VPS37C: variants seen among roughly 807,000 people sequenced by gnomAD.
VPS37C encodes VPS37C subunit of ESCRT-I.
A neutral mutation model predicts 16.1 loss-of-function variants in VPS37C; 9 were observed. The ratio of observed to expected loss-of-function variants is 0.56; its 90% CI spans 0.34 to 0.97. VPS37C has a LOEUF of 0.97. Among genes scored for constraint, VPS37C ranks in the 50% least tolerant of loss-of-function variants. The probability of loss-of-function intolerance (pLI) is 0.02; values close to 1 mark genes in which losing one functional copy is unlikely to be tolerated. For synonymous variants in VPS37C, 207 were observed against 206.4 expected, an observed-to-expected ratio of 1.00 and a Z score of -0.02; for missense variants, 479 against 472.7, an observed-to-expected ratio of 1.01 and a Z score of -0.12.
intron 1 of VPS37C, among the ~76,000 whole-genome samples, chr11:61,156,556 G>A (rs1853379628): frequency 1.3e-5 from 2 of 152,068 alleles, no homozygotes; most frequent in Non-Finnish European, 2.9e-5. Context: ...CTGTACTCCA[G>A]CCTGGGCAAC....
chr11:61,159,735 T>TAAA (rs1256940306), intron 1 of VPS37C, among the ~76,000 whole-genome samples: 4 of 29,422 alleles, frequency 1.4e-4, no homozygotes, highest in East Asian at 1.7e-3. Context: ...AATAAATAAA[T>TAAA]AAATAAAAAA....
chr11:61,160,495 G>A (rs1467290320), intron 1 of VPS37C, among the ~76,000 whole-genome samples: 1 of 152,192 alleles, frequency 6.6e-6, no homozygotes, highest in East Asian at 1.9e-4. Context: ...AAAGAGGGTG[G>A]AAAAGGCCTT....
At chr11:61,147,185 G>A (rs1853225520) in intron 1 of VPS37C, among the ~76,000 whole-genome samples, 1 of 152,178 alleles carries the variant, frequency 6.6e-6, no homozygotes, top group Non-Finnish European at 1.5e-5. Flanking sequence ...GGGGCAGAGG[G>A]GAGAGGTGAT....
At position 61,156,662 on chromosome 11, in the gene VPS37C, T is replaced by C. The variant is rs189178040; in HGVS notation, c.-7+4729A>G. ...CCCACTTTCAATATAAAGACACAAA[T>C]TGTTTAGAAGTAAAAAACTTTTTAA... On this transcript the variant is annotated intron_variant, in intron 1 of 4. Transcript: ENST00000301765. 1.8e-3 allele frequency among the ~76,000 whole-genome samples: 269 copies of C among 152,340 alleles called. 1 individual carries two copies. The highest frequency in any genetic ancestry group is 5.9e-3 in the African/African-American group (247 of 41,578).
chr11:61,143,197 C>T (rs941142158), intron 1 of VPS37C, among the ~76,000 whole-genome samples: 1 of 151,722 alleles, frequency 6.6e-6, no homozygotes, highest in Non-Finnish European at 1.5e-5. Flanking sequence ...ATCACCCCCA[C>T]CTCACAGGGG....
chr11:61,135,266 G>A (rs1206434811), intron 2 of VPS37C, among the ~76,000 whole-genome samples: 1 of 152,202 alleles, frequency 6.6e-6, no homozygotes, highest in Non-Finnish European at 1.5e-5. Flanking sequence ...CCCTTCTGCT[G>A]TCCCAGCTAC....
At chr11:61,132,618 C>T (rs891322072) in intron 4 of VPS37C, 79 bp from the exon 5 acceptor site, 19 of 1,510,506 alleles carry the variant, frequency 1.3e-5, no homozygotes, top group Non-Finnish European at 1.8e-6. Context: ...CTGAGTTCAG[C>T]TGCAGCCCTC....
rs35953020 is a variant in VPS37C, at chr11:61,159,901, CAAAAAAAAAA to C, written c.-7+1480_-7+1489del. 4.1e-3 allele frequency among the ~76,000 whole-genome samples: 203 copies of C among 49,546 alleles called. No homozygotes were observed. The Middle Eastern group carries it at 0.045, about 11-fold the overall frequency. The allele number at this position is 49,546 out of a possible 152,430, so 32.5% of individuals were successfully genotyped here. ...TGGGCGACAGATCAAGACTCCGTCTCAAAAAAAAAAAAAAAAAAAAAAAAAAATCCAAACT... is the reference window on the plus strand; with the variant it reads ...TGGGCGACAGATCAAGACTCCGTCTCAAAAAAAAAAAAAAAAATCCAAACT... On this transcript the variant is annotated intron_variant, in intron 1 of 4. Transcript: ENST00000301765.
Position 61,150,198 on chromosome 11 carries a change from A to G in VPS37C, c.-7+11193T>C, listed in dbSNP as rs536500632. Reference sequence around the variant, plus strand: ...GGCCCTGACTTCCAGGTCAGCTCAGACATGTGGGTCCCCCCCACCCCTGAT... The same window carrying G: ...GGCCCTGACTTCCAGGTCAGCTCAGGCATGTGGGTCCCCCCCACCCCTGAT... On this transcript the variant is annotated intron_variant, in intron 1 of 4. Coordinates refer to ENST00000301765, the MANE Select transcript of VPS37C (RefSeq NM_017966.5). Among the ~76,000 whole-genome samples, 9 of 152,256 alleles carry G rather than the reference A, an allele frequency of 5.9e-5. No individual in the cohort carries two copies. The South Asian group carries it at 1.9e-3, about 32-fold the overall frequency.
chr11:61,159,941 C>T (rs1853443672), intron 1 of VPS37C, among the ~76,000 whole-genome samples: 1 of 150,624 alleles, frequency 6.6e-6, no homozygotes, highest in Non-Finnish European at 1.5e-5. Flanking sequence ...CAAACTTGGC[C>T]ACTTACTGGC....
rs897232840 is a variant in VPS37C, at chr11:61,158,246, C to A, written c.-7+3145G>T. Among the ~76,000 whole-genome samples the A allele has an allele frequency of 1.3e-4, 20 of 152,136 alleles. 1 individual carries two copies. ...ACATGTGAAACACAAATTGATAAAA[C>A]TACAAGGGGAAATGGACGAATCCAC... is the stretch of plus-strand genomic sequence containing the variant. On this transcript the variant is annotated intron_variant, in intron 1 of 4. Transcript: ENST00000301765.
intron 1 of VPS37C, among the ~76,000 whole-genome samples, chr11:61,150,383 T>C (rs1163055107): frequency 6.6e-6 from 1 of 151,958 alleles, no homozygotes; most frequent in African/African-American, 2.4e-5. Context: ...TCATGCTGCT[T>C]CCCTAAGGCT....
chr11:61,147,727 C>T (rs766455489), intron 1 of VPS37C, among the ~76,000 whole-genome samples: 11 of 151,802 alleles, frequency 7.2e-5, no homozygotes, highest in Admixed American at 1.3e-4. Flanking sequence ...CTGCAAAATG[C>T]AGCATTTTCT....
At chr11:61,150,741 A>G (rs1306903570) in intron 1 of VPS37C, among the ~76,000 whole-genome samples, 1 of 151,010 alleles carries the variant, frequency 6.6e-6, no homozygotes, top group Non-Finnish European at 1.5e-5. Flanking sequence ...CCCAACCCTC[A>G]CCAGCCCCTC....
chr11:61,150,814 G>C (rs1480353407), intron 1 of VPS37C, among the ~76,000 whole-genome samples: 1 of 151,994 alleles, frequency 6.6e-6, no homozygotes, highest in Non-Finnish European at 1.5e-5. Context: ...AGAGTGTGGG[G>C]AGTCATCAAA....
chr11:61,150,678 T>C (rs1419418358), intron 1 of VPS37C, among the ~76,000 whole-genome samples: 4 of 151,488 alleles, frequency 2.6e-5, no homozygotes, highest in Non-Finnish European at 5.9e-5. Context: ...AGTTTCCCCC[T>C]TGACCTAGAG....
intron 1 of VPS37C, among the ~76,000 whole-genome samples, chr11:61,157,693 T>C (rs1387365978): frequency 6.6e-6 from 1 of 152,258 alleles, no homozygotes; most frequent in Non-Finnish European, 1.5e-5. Context: ...ACAAAGTAGA[T>C]TTCAGAGCAA....
chr11:61,134,325 T>TG, intron 2 of VPS37C, 118 bp from the exon 3 acceptor site: 1 of 1,157,024 alleles, frequency 8.6e-7, no homozygotes. Context: ...GGCTCATCCT[T>TG]GGGGCAATAC....
At chr11:61,136,411 T>C (rs886279283) in intron 2 of VPS37C, among the ~76,000 whole-genome samples, 1 of 152,068 alleles carries the variant, frequency 6.6e-6, no homozygotes, top group African/African-American at 2.4e-5. Context: ...TGACCTCAGG[T>C]CTTCCACCCA....
Sources: gnomAD v4.1 joint callset for allele counts (sites outside exome capture counted in the v4.1 genomes callset) on GRCh38, gnomAD v4.1.1 for gene constraint, MANE v1.5 for transcripts, NCBI Gene and HGNC (gene_info 2026-07-23, HGNC 2026-07-21) for gene names.